IRAK1BP1: variants seen among roughly 807,000 people sequenced by gnomAD.
The protein encoded by IRAK1BP1 is interleukin-1 receptor-associated kinase 1-binding protein 1.
In IRAK1BP1, 24 loss-of-function variants were observed where a neutral mutation model predicts 28.0. That is an observed-to-expected ratio of 0.86 (90% CI 0.62 to 1.20). The LOEUF (loss-of-function observed/expected upper bound fraction) is 1.20. Ranked by LOEUF, IRAK1BP1 falls within the 50% of genes most tolerant of loss-of-function variation. IRAK1BP1 has a pLI of 0.00. For synonymous variants in IRAK1BP1, 131 were observed against 116.3 expected (o/e 1.13, Z -0.81); for missense variants, 336 against 316.7 (o/e 1.06, Z -0.46).
the IRAK1BP1 span, chr6:78,955,463 A>G: frequency 1.8e-6 from 1 of 555,026 alleles, no homozygotes; most frequent in Non-Finnish European, 3.2e-6. Context: ...CTATAAGAAG[A>G]ATATTCTACT....
At chr6:78,967,448 A>G in the IRAK1BP1 span, among the ~76,000 whole-genome samples, 3 of 152,224 alleles carry the variant, frequency 2.0e-5, no homozygotes, top group Admixed American at 6.5e-5. Context: ...ATAACGAACA[A>G]TATCTGTAGA....
chr6:78,944,245 TAA>T (rs1773679547), intron 4 of IRAK1BP1, among the ~76,000 whole-genome samples: 1 of 152,128 alleles, frequency 6.6e-6, no homozygotes, highest in South Asian at 2.1e-4. Context: ...AGCCAAGTAA[TAA>T]AGAGTCTTGT....
At chr6:78,908,167 C>T (rs1169034429) in intron 4 of IRAK1BP1, among the ~76,000 whole-genome samples, 1 of 151,874 alleles carries the variant, frequency 6.6e-6, no homozygotes, top group Non-Finnish European at 1.5e-5. Context: ...TCTCCTGCCT[C>T]AGCCTCCCGA....
chr6:78,882,685 A>G (rs1263771286), intron 1 of IRAK1BP1, among the ~76,000 whole-genome samples: 4 of 152,192 alleles, frequency 2.6e-5, no homozygotes. Flanking sequence ...CTATCAAGAG[A>G]CCAGAGGAGA....
At chr6:78,936,406 A>G (rs114208186) in intron 4 of IRAK1BP1, 1 of 151,812 alleles carries the variant, frequency 6.6e-6, no homozygotes, top group African/African-American at 2.4e-5. Context: ...CAAAAATGTA[A>G]CTTTGTATTG....
At chr6:78,877,380 C>T (rs1048775241) in intron 1 of IRAK1BP1, among the ~76,000 whole-genome samples, 1 of 152,066 alleles carries the variant, frequency 6.6e-6, no homozygotes, top group Admixed American at 6.6e-5. Context: ...TTCTCCATTC[C>T]CTGTAATATT....
chr6:78,929,048 C>T (rs1254546187), intron 4 of IRAK1BP1, among the ~76,000 whole-genome samples: 4 of 152,020 alleles, frequency 2.6e-5, no homozygotes, highest in Non-Finnish European at 4.4e-5. Flanking sequence ...GAAGTATTCC[C>T]TCCTCCTGTA....
At chr6:78,959,631 A>G in the IRAK1BP1 span, among the ~76,000 whole-genome samples, 4 of 152,152 alleles carry the variant, frequency 2.6e-5, no homozygotes, top group African/African-American at 9.7e-5. Context: ...ATTGTATTGA[A>G]TAAGAACATA....
chr6:78,934,871 T>C (rs1262399624), intron 4 of IRAK1BP1, among the ~76,000 whole-genome samples: 1 of 152,196 alleles, frequency 6.6e-6, no homozygotes, highest in Non-Finnish European at 1.5e-5. Flanking sequence ...GTGCTGCCAG[T>C]ATGTCTAACC....
At position 78,886,591 on chromosome 6, in the gene IRAK1BP1, G is replaced by A. The variant is rs540418737; in HGVS notation, c.381+1148G>A. The stretch of plus-strand genomic sequence containing the variant: ...CTCCTCCAGTAATTATCACCTGTTA[G>A]CACTTCAGATTGTAATAAATATAGA... On this transcript the variant is annotated intron_variant, in intron 2 of 3. Transcript: ENST00000369940. 3.3e-5 allele frequency among the ~76,000 whole-genome samples: 5 copies of A among 152,266 alleles called. No homozygotes were observed. In the East Asian group the frequency reaches 9.6e-4, roughly 29 times the overall value.
chr6:78,881,396 G>A (rs1031797389), intron 1 of IRAK1BP1, among the ~76,000 whole-genome samples: 6 of 152,148 alleles, frequency 3.9e-5, no homozygotes, highest in Admixed American at 6.6e-5. Flanking sequence ...AGAGATGCAC[G>A]GAGAAATTTT....
the IRAK1BP1 span, chr6:78,958,368 C>A: frequency 1.4e-6 from 1 of 735,014 alleles, no homozygotes; most frequent in South Asian, 1.9e-5. Context: ...ATTTTGGCTA[C>A]TCTTAAATGT....
At chr6:78,912,294 A>G (rs1402973061) in intron 4 of IRAK1BP1, among the ~76,000 whole-genome samples, 1 of 152,176 alleles carries the variant, frequency 6.6e-6, no homozygotes, top group Non-Finnish European at 1.5e-5. Context: ...TTCTGCTGAC[A>G]AAAGAAAGTG....
chr6:78,897,015 T>G (rs1006983535), intron 2 of IRAK1BP1, among the ~76,000 whole-genome samples: 20 of 151,738 alleles, frequency 1.3e-4, no homozygotes, highest in African/African-American at 4.6e-4. Context: ...CTACAACCGC[T>G]AAGGTGGGAG....
chr6:78,939,257 T>C (rs1773380312), intron 4 of IRAK1BP1: 1 of 151,724 alleles, frequency 6.6e-6, no homozygotes, highest in African/African-American at 2.4e-5. Context: ...AATAGACAAC[T>C]TAATTTTACT....
downstream of IRAK1BP1, among the ~76,000 whole-genome samples, chr6:78,949,817 T>C (rs1023089721): frequency 3.9e-5 from 6 of 152,090 alleles, no homozygotes; most frequent in Non-Finnish European, 7.4e-5. Flanking sequence ...GCCTCATTAG[T>C]AGCTTGAACT....
the IRAK1BP1 span, among the ~76,000 whole-genome samples, chr6:78,962,530 A>G: frequency 6.6e-6 from 1 of 152,106 alleles, no homozygotes; most frequent in African/African-American, 2.4e-5. Flanking sequence ...ATTTCTCTCT[A>G]GACTCTTTGC....
At chr6:78,887,804 A>G (rs1385960176) in intron 2 of IRAK1BP1, among the ~76,000 whole-genome samples, 2 of 152,230 alleles carry the variant, frequency 1.3e-5, no homozygotes, top group African/African-American at 4.8e-5. Context: ...CAGGTTCCTC[A>G]AAAAATTAAA....
the IRAK1BP1 span, among the ~76,000 whole-genome samples, chr6:78,974,885 C>T: frequency 4.0e-5 from 6 of 151,762 alleles, no homozygotes; most frequent in South Asian, 1.3e-3. Context: ...TAATCAACAG[C>T]TTACCAACCA....
Sources: gnomAD v4.1 joint callset for allele counts (sites outside exome capture counted in the v4.1 genomes callset) on GRCh38, gnomAD v4.1.1 for gene constraint, MANE v1.5 for transcripts, NCBI Gene and HGNC (gene_info 2026-07-23, HGNC 2026-07-21) for gene names.